Variants in DSEL observed in about 807,000 individuals in gnomAD.
The protein encoded by DSEL is dermatan-sulfate epimerase-like protein.
DSEL carries 61 observed loss-of-function variants against 96.6 expected under a neutral mutation model. That is an observed-to-expected ratio of 0.63 (90% CI 0.51 to 0.78). The LOEUF is 0.78. DSEL is among the 30% of genes least tolerant of loss of function. The pLI, the probability that DSEL is intolerant of heterozygous loss-of-function variation, is 0.00. For synonymous variants in DSEL, 514 were observed against 502.0 expected (o/e 1.02, Z -0.32); for missense variants, 1,320 against 1,430.8 (o/e 0.92, Z 1.25).
At position 67,512,810 on chromosome 18, in the gene DSEL, G is replaced by A. The variant is rs1490057563; in HGVS notation, c.1799C>T (p.Ala600Val). Residue 600 changes from alanine to valine, a missense_variant, in exon 2 of 2, where the codon GCC (alanine) becomes GTC (valine). Transcript: ENST00000310045. Reference sequence around the variant, plus strand: ...ATCAATATCCAAATTATGAAAGAAGGCACTGACAGAATTTATTGGGGAATC... The same window carrying A: ...ATCAATATCCAAATTATGAAAGAAGACACTGACAGAATTTATTGGGGAATC... Reference protein sequence around the residue: ...QEDSPINSVSAFFHNLDIDFK... With the variant: ...QEDSPINSVSVFFHNLDIDFK... The A allele has an allele frequency of 5.6e-6, 9 of 1,613,874 alleles. No individual in the cohort carries two copies. The South Asian group carries it at 9.9e-5, about 18-fold the overall frequency.
chr18:67,509,711 C>A lies in DSEL; in HGVS notation c.*1259G>T, dbSNP rs897152958. On this transcript the variant is annotated 3_prime_UTR_variant, in exon 2 of 2. Transcript: ENST00000310045. ...AGACTGCAATCTGTACAGAGATTTT[C>A]ATCAAGTCTCCACACTGCCTTATGT... The A allele has an allele frequency of 3.3e-5, 5 of 152,504 alleles. No individual in the cohort carries two copies. The highest frequency in any genetic ancestry group is 1.2e-4 in the African/African-American group (5 of 41,466). The allele number at this position is 152,504 out of a possible 1,614,324, so 9.4% of individuals were successfully genotyped here.
chr18:67,507,421 T>C lies in DSEL; in HGVS notation c.*3549A>G, dbSNP rs184501764. ...GGAAGTGGTGTTATACTGCATTCTA[T>C]TTATGCTTTTTCCTAAATCAACAAA... On this transcript the variant is annotated 3_prime_UTR_variant, in exon 2 of 2. Transcript: ENST00000310045. 2.0e-5 allele frequency: 3 copies of C among 151,790 alleles called. No homozygotes were observed. 9.4% of individuals were successfully genotyped at this position (151,790 alleles called of 1,614,324 possible).
In DSEL at chr18:67,511,552, A is replaced by C. The variant is rs2089442453; in HGVS notation, c.3057T>G (p.Val1019=). The C allele has an allele frequency of 6.2e-7, 1 of 1,613,038 alleles. No individual in the cohort carries two copies. The highest frequency in any genetic ancestry group is 1.7e-5 in the Admixed American group (1 of 59,826). The change falls in exon 2 of 2, where the codon GTT becomes GTG. Residue 1019 remains valine, a synonymous_variant. Transcript: ENST00000310045. ...WTLKLHFFQE[V]LGASMRALYI... is the part of the protein sequence containing the mutation. Reference sequence around the variant, plus strand: ...ACAATGCCCTCATCGAAGCTCCTAAAACTTCCTGAAAAAAATGAAGCTTTA... The same window carrying C: ...ACAATGCCCTCATCGAAGCTCCTAACACTTCCTGAAAAAAATGAAGCTTTA...
rs752438984 is a variant in DSEL at position 67,512,285 on chromosome 18, G to T, written c.2324C>A (p.Ala775Glu). Residue 775 changes from alanine (A) to glutamate (E), a missense_variant, in exon 2 of 2, where the codon GCA becomes GAA. Coordinates refer to ENST00000310045, the MANE Select transcript of DSEL (RefSeq NM_032160.3). ...IFPFGFKFNI[A>E]VGLILCISLV... is the part of the protein sequence containing the mutation. ...GCTAATGCACAAAATTAATCCAACTGCTATATTAAATTTAAATCCAAAGGG... is the reference window on the plus strand; with the variant it reads ...GCTAATGCACAAAATTAATCCAACTTCTATATTAAATTTAAATCCAAAGGG... 1 of 1,614,046 alleles carries T rather than the reference G, an allele frequency of 6.2e-7. No individual in the cohort carries two copies.
In DSEL at chr18:67,511,299, G is replaced by A. The variant is rs1241810110; in HGVS notation, c.3310C>T (p.Leu1104=). Residue 1104 remains leucine (L), a synonymous_variant, in exon 2 of 2, where the codon CTA becomes TTA. Coordinates refer to ENST00000310045, the MANE Select transcript of DSEL (RefSeq NM_032160.3). The part of the protein sequence containing the change: ...NAVSLLSHLW[L]ANTAAALRIN... ...CTCAAGGCTGCTGCTGTATTTGCTA[G>A]CCACAAGTGAGACAAGAGGGACACT... 1.9e-6 allele frequency: 3 copies of A among 1,608,898 alleles called. No individual in the cohort carries two copies. Among genetic ancestry groups the A allele is most frequent in the African/African-American group, 2.7e-5 (2 of 74,926 alleles).
At position 67,512,406 on chromosome 18, in the gene DSEL, C is replaced by T. The variant is rs1380194290; in HGVS notation, c.2203G>A (p.Gly735Ser). ...CCTTGATCAGCCACACTGGCAAAGCCACCGAATCCCAGATAATTGAATCTT... is the reference window on the plus strand; with the variant it reads ...CCTTGATCAGCCACACTGGCAAAGCTACCGAATCCCAGATAATTGAATCTT... ...KTRFNYLGFGGFASVADQGQI... is the reference protein window; with the variant it reads ...KTRFNYLGFGSFASVADQGQI... Residue 735 changes from glycine (G) to serine (S), a missense_variant, in exon 2 of 2, where the codon GGC becomes AGC. Physicochemically the swap from Gly to Ser is moderately conservative, Grantham distance 56. This residue lies in a region of DSEL where 986 missense variants were observed against 1,066.4 expected (regional missense o/e 0.92). Coordinates refer to ENST00000310045, the MANE Select transcript of DSEL (RefSeq NM_032160.3). 1 of 1,614,142 alleles carries T rather than the reference C, an allele frequency of 6.2e-7. No homozygotes were observed. Among genetic ancestry groups the T allele is most frequent in the Non-Finnish European group, 8.5e-7 (1 of 1,180,016 alleles).
chr18:67,513,465 A>G lies in DSEL; in HGVS notation c.1144T>C (p.Trp382Arg). ...ATGTATTCAGTGTGAAGAGTACTCC[A>G]CCTTTGGGCAGTTGAAGGAACCATC... ...GPMVPSTAQR[W>R]STLHTEYIWY... Residue 382 changes from tryptophan to arginine, a missense_variant, in exon 2 of 2, where the codon TGG (tryptophan) becomes CGG (arginine). Coordinates refer to ENST00000310045, the MANE Select transcript of DSEL (RefSeq NM_032160.3). The G allele has an allele frequency of 6.2e-7, 1 of 1,614,124 alleles. No individual in the cohort carries two copies.
rs575430684 is a variant in DSEL at position 67,510,667 on chromosome 18, C to CT, written c.*302dup. ...CAGATGAAGGGGAGTTAGACAAAAA[C>CT]TTAAAATTTTCCCATCTCCCCTGAC... is the stretch of plus-strand genomic sequence containing the variant. On this transcript the variant is annotated 3_prime_UTR_variant, in exon 2 of 2. Transcript: ENST00000310045. The CT allele has an allele frequency of 1.8e-4, 56 of 310,088 alleles. 1 individual carries two copies. The South Asian group carries it at 5.5e-3, about 30-fold the overall frequency. 19.2% of individuals were successfully genotyped at this position (310,088 alleles called of 1,614,324 possible).
chr18:67,516,537 G>C lies in DSEL; in HGVS notation c.-1061C>G, dbSNP rs2089477551. The C allele has an allele frequency of 6.6e-6, 1 of 152,550 alleles. No homozygotes were observed. The highest frequency in any genetic ancestry group is 2.4e-5 in the African/African-American group (1 of 41,436). 9.4% of individuals were successfully genotyped at this position (152,550 alleles called of 1,614,324 possible). On this transcript the variant is annotated 5_prime_UTR_variant, in exon 1 of 2. Transcript: ENST00000310045. This position sits in a 1 kb window ranked among gnomAD's most constrained non-coding sequence, Gnocchi z 5.6. ...GCCCCAGCTCGGTCTCCTCAGCCGCGCTCGGTCCCCGCGACCCGCACGGCC... is the reference window on the plus strand; with the variant it reads ...GCCCCAGCTCGGTCTCCTCAGCCGCCCTCGGTCCCCGCGACCCGCACGGCC...
At chr18:67,515,776 C>T (rs185671705) in intron 1 of DSEL, among the ~76,000 whole-genome samples, 6 of 152,280 alleles carry the variant, frequency 3.9e-5, no homozygotes, top group African/African-American at 1.4e-4. Flanking sequence ...ACGCCACTAA[C>T]GTGGCTTCAG....
At position 67,512,741 on chromosome 18, in the gene DSEL, G is replaced by C. The variant is rs750265042; in HGVS notation, c.1868C>G (p.Ala623Gly). 1.9e-6 allele frequency: 3 copies of C among 1,613,966 alleles called. No individual in the cohort carries two copies. Among genetic ancestry groups the C allele is most frequent in the African/African-American group, 1.3e-5 (1 of 74,984 alleles). The change falls in exon 2 of 2, where the codon GCC becomes GGC. Residue 623 changes from alanine to glycine, a missense_variant. This residue lies in a region of DSEL where 986 missense variants were observed against 1,066.4 expected (regional missense o/e 0.92). Coordinates refer to ENST00000310045, the MANE Select transcript of DSEL (RefSeq NM_032160.3). Reference sequence around the variant, plus strand: ...ATGTGCATCCCACACATCCATCATGGCACCATTATACCTATTCATAAACTT... The same window carrying C: ...ATGTGCATCCCACACATCCATCATGCCACCATTATACCTATTCATAAACTT... ...PYKFMNRYNG[A>G]MMDVWDAHYK...
Position 67,512,385 on chromosome 18 carries a change from G to C in DSEL, c.2224C>G (p.Gln742Glu). ...GFGGFASVAD[Q>E]GQITRFGLGT... ...AAACCAAATCGGGTTATTTGGCCTT[G>C]ATCAGCCACACTGGCAAAGCCACCG... The change falls in exon 2 of 2, where the codon CAA (glutamine) becomes GAA (glutamate). Residue 742 changes from glutamine (Q) to glutamate (E), a missense_variant. By Grantham distance (29) the Gln-to-Glu change is conservative. Around this residue, in one of 3 missense-constraint regions of DSEL, gnomAD observed 986 missense variants for 1,066.4 expected, o/e 0.92. Transcript: ENST00000310045. 6.2e-7 allele frequency: 1 copy of C among 1,614,162 alleles called. No individual in the cohort carries two copies. The highest frequency in any genetic ancestry group is 8.5e-7 in the Non-Finnish European group (1 of 1,180,020).
chr18:67,507,325 C>G lies in DSEL; in HGVS notation c.*3645G>C, dbSNP rs1598976877. 1 of 92,950 alleles carries G rather than the reference C, an allele frequency of 1.1e-5. No homozygotes were observed. The highest frequency in any genetic ancestry group is 3.8e-4 in the South Asian group (1 of 2,628). 5.8% of individuals were successfully genotyped at this position (92,950 alleles called of 1,614,324 possible). A position where few individuals can be genotyped will look rare whatever the true frequency, so the allele number is the denominator to read the frequency against. ...TCAGACCACTGCACTCCAGCCTGGG[C>G]AACAAAGTGAGACTCCATCCCAAAA... is the stretch of plus-strand genomic sequence containing the variant. On this transcript the variant is annotated 3_prime_UTR_variant, in exon 2 of 2. Coordinates refer to ENST00000310045, the MANE Select transcript of DSEL (RefSeq NM_032160.3).
rs755003409 is a variant in DSEL at position 67,512,435 on chromosome 18, T to G, written c.2174A>C (p.Lys725Thr). 6.2e-7 allele frequency: 1 copy of G among 1,614,200 alleles called. No homozygotes were observed. Among genetic ancestry groups the G allele is most frequent in the South Asian group, 1.1e-5 (1 of 91,060 alleles). The change falls in exon 2 of 2, where the codon AAG (lysine) becomes ACG (threonine). Residue 725 changes from lysine to threonine, a missense_variant. Physicochemically the swap from Lys to Thr is moderately conservative, Grantham distance 78 (BLOSUM62 -1). Transcript: ENST00000310045. Reference protein sequence around the residue: ...VSIVTDYHNLKTRFNYLGFGG... With the variant: ...VSIVTDYHNLTTRFNYLGFGG... ...GAATCCCAGATAATTGAATCTTGTC[T>G]TCAGGTTATGGTAATCAGTTACAAT...
chr18:67,515,595 T>C (rs2089471048), intron 1 of DSEL, 103 bp from the exon 2 acceptor site: 1 of 155,036 alleles, frequency 6.5e-6, no homozygotes, highest in South Asian at 2.1e-4. Context: ...AATAGAAATT[T>C]TAGAATCACA....
chr18:67,514,685 AAACAT>A lies in DSEL; in HGVS notation c.-82_-78del. Reference sequence around the variant, plus strand: ...ATGTGTTTCCCATCTGGTTAGTATAAAACATACAGTAAAGGCCTTGATAAGACAAA... The same window carrying A: ...ATGTGTTTCCCATCTGGTTAGTATAAACAGTAAAGGCCTTGATAAGACAAA... On this transcript the variant is annotated 5_prime_UTR_variant, in exon 2 of 2. The change abolishes an upstream ATG in the 5' untranslated region. Coordinates refer to ENST00000310045, the MANE Select transcript of DSEL (RefSeq NM_032160.3). The A allele has an allele frequency of 6.7e-7, 1 of 1,500,780 alleles. No homozygotes were observed. The highest frequency in any genetic ancestry group is 1.3e-5 in the South Asian group (1 of 79,046). 93.0% of individuals were successfully genotyped at this position (1,500,780 alleles called of 1,614,324 possible). A position where few individuals can be genotyped will look rare whatever the true frequency, so the allele number is the denominator to read the frequency against.
rs2089460583 is a variant in DSEL at position 67,514,019 on chromosome 18, A to G, written c.590T>C (p.Leu197Pro). 1 of 1,614,160 alleles carries G rather than the reference A, an allele frequency of 6.2e-7. No homozygotes were observed. The highest frequency in any genetic ancestry group is 8.5e-7 in the Non-Finnish European group (1 of 1,180,016). The change falls in exon 2 of 2, where the codon CTG becomes CCG. Residue 197 changes from leucine to proline, a missense_variant. Around this residue, in one of 3 missense-constraint regions of DSEL, gnomAD observed 323 missense variants for 333.1 expected, o/e 0.97. Coordinates refer to ENST00000310045, the MANE Select transcript of DSEL (RefSeq NM_032160.3). ...LLDNHRRQKY[L>P]EKIWVITEEM... ...CTCAGTAATAACCCATATTTTTTCCAGGTATTTTTGTCTTCGATGATTATC... is the reference window on the plus strand; with the variant it reads ...CTCAGTAATAACCCATATTTTTTCCGGGTATTTTTGTCTTCGATGATTATC...
chr18:67,508,288 C>G lies in DSEL; in HGVS notation c.*2682G>C, dbSNP rs1020771861. On this transcript the variant is annotated 3_prime_UTR_variant, in exon 2 of 2. Coordinates refer to ENST00000310045, the MANE Select transcript of DSEL (RefSeq NM_032160.3). ...GGACCTGGGAACATGCTGGGAGAGT[C>G]AATCCCCTTAGGAATTCTGTTTCTA... 1 of 152,146 alleles carries G rather than the reference C, an allele frequency of 6.6e-6. No individual in the cohort carries two copies. Among genetic ancestry groups the G allele is most frequent in the African/African-American group, 2.4e-5 (1 of 41,420 alleles). 9.4% of individuals were successfully genotyped at this position (152,146 alleles called of 1,614,324 possible).
rs963817902 is a variant in DSEL, at chr18:67,513,903, C to T, written c.706G>A (p.Ala236Thr). The T allele has an allele frequency of 2.5e-6, 4 of 1,614,016 alleles. No homozygotes were observed. Among genetic ancestry groups the T allele is most frequent in the Non-Finnish European group, 3.4e-6 (4 of 1,180,026 alleles). Residue 236 changes from alanine (A) to threonine (T), a missense_variant, in exon 2 of 2, where the codon GCC (alanine) becomes ACC (threonine). Ala to Thr is a moderately conservative substitution (Grantham distance 58). Transcript: ENST00000310045. ...ATNMIALLTG[A>T]LVTGVDKGSK... The stretch of plus-strand genomic sequence containing the variant: ...CCTTTATCTACTCCAGTCACCAAGG[C>T]CCCTGTGAGTAATGCTATCATATTA...
Sources: gnomAD v4.1 joint callset for allele counts (sites outside exome capture counted in the v4.1 genomes callset) on GRCh38, gnomAD v4.1.1 for gene constraint, gnomAD v4.1.1 regional missense constraint, Gnocchi (gnomAD v3.1) non-coding constraint, MANE v1.5 for transcripts, NCBI Gene and HGNC (gene_info 2026-07-23, HGNC 2026-07-21) for gene names.